The following TLK1 variants were observed in gnomAD, a reference collection of about 807,000 sequenced individuals.
TLK1 encodes tousled like kinase 1.
A neutral mutation model predicts 105.3 loss-of-function variants in TLK1; 24 were observed. The observed-to-expected ratio is 0.23, with a 90% CI of 0.17 to 0.32. The LOEUF is 0.32. TLK1 is among the 10% of genes least tolerant of loss of function. The pLI is 1.00. For synonymous variants in TLK1, 321 were observed against 310.4 expected, an observed-to-expected ratio of 1.03 and a Z score of -0.36; for missense variants, 558 against 910.5, an observed-to-expected ratio of 0.61 and a Z score of 4.98.
At chr2:171,187,321 C>T (rs1312151620) in intron 1 of TLK1, among the ~76,000 whole-genome samples, 2 of 152,152 alleles carry the variant, frequency 1.3e-5, no homozygotes, top group Non-Finnish European at 2.9e-5. Flanking sequence ...GGAATACGTA[C>T]ACCTGATGCT....
upstream of TLK1, among the ~76,000 whole-genome samples, chr2:171,162,598 C>T (rs1472800146): frequency 2.6e-5 from 4 of 152,114 alleles, no homozygotes; most frequent in African/African-American, 9.7e-5. Flanking sequence ...TGTATACCTC[C>T]CTGAAACCAC....
chr2:171,229,596 A>G (rs905122165), intron 1 of TLK1, among the ~76,000 whole-genome samples: 2 of 152,188 alleles, frequency 1.3e-5, no homozygotes, highest in African/African-American at 4.8e-5. Flanking sequence ...CTTCAATTCT[A>G]AGGAAAAATG....
chr2:171,002,464 C>T (rs1441327488), intron 18 of TLK1, among the ~76,000 whole-genome samples: 6 of 151,868 alleles, frequency 4.0e-5, no homozygotes, highest in Non-Finnish European at 4.4e-5. Context: ...TTAGTAGAGA[C>T]GGGGTTTCAC....
intron 1 of TLK1, among the ~76,000 whole-genome samples, chr2:171,225,754 G>A (rs2105333088): frequency 6.6e-6 from 1 of 152,286 alleles, no homozygotes; most frequent in South Asian, 2.1e-4. Context: ...CAATCGTTGA[G>A]TGCATACACA....
rs545437523 is a variant in TLK1 at position 171,192,182 on chromosome 2, C to A, written c.-6+38963G>T. On this transcript the variant is annotated intron_variant, in intron 1 of 20. Transcript: ENST00000521943. The stretch of plus-strand genomic sequence containing the variant: ...TAACTGAGACTACAGGTGCACACCA[C>A]CATGTTGGCTAATTTTTTTGTACTT... Among the ~76,000 whole-genome samples, 70 of 152,230 alleles carry A rather than the reference C, an allele frequency of 4.6e-4. No homozygotes were observed. The South Asian group carries it at 6.6e-3, about 14-fold the overall frequency.
rs1262545256 is a variant in TLK1, at chr2:171,160,039, C to G, written c.139+251G>C. Among the ~76,000 whole-genome samples the G allele has an allele frequency of 6.6e-6, 1 of 152,150 alleles. No individual in the cohort carries two copies. Among genetic ancestry groups the G allele is most frequent in the Non-Finnish European group, 1.5e-5 (1 of 67,992 alleles). On this transcript the variant is annotated intron_variant, in intron 1 of 20. Transcript: ENST00000431350. This position sits in a 1 kb window ranked among gnomAD's most constrained non-coding sequence, Gnocchi z 4.4. ...CCCAGGAACCCCAGGCGAGTCTATG[C>G]GCCTCGCCCCGTCCCCACCAGCGCG... is the stretch of plus-strand genomic sequence containing the variant.
intron 2 of TLK1, among the ~76,000 whole-genome samples, chr2:171,087,403 A>T (rs1430494140): frequency 6.6e-6 from 1 of 152,204 alleles, no homozygotes; most frequent in Non-Finnish European, 1.5e-5. Context: ...ATGGAAAAAG[A>T]GTACTGAAGA....
intron 14 of TLK1, among the ~76,000 whole-genome samples, chr2:171,010,269 T>G (rs751292411): frequency 5.9e-5 from 9 of 152,122 alleles, no homozygotes; most frequent in Non-Finnish European, 1.3e-4. Context: ...ATGGTTTTTG[T>G]GTTTTTTCAC....
At chr2:171,103,918 C>A (rs13385649) in intron 2 of TLK1, among the ~76,000 whole-genome samples, 8,888 of 152,112 alleles carry the variant, frequency 0.058, 799 homozygotes, top group African/African-American at 0.19. Flanking sequence ...AGTAAAGGTG[C>A]AGAATACAAA....
At chr2:171,219,472 G>C (rs1693770084) in intron 1 of TLK1, among the ~76,000 whole-genome samples, 1 of 152,174 alleles carries the variant, frequency 6.6e-6, no homozygotes, top group Non-Finnish European at 1.5e-5. Flanking sequence ...CTGGAGGCTG[G>C]GAGTCCAGCA....
Position 171,055,113 on chromosome 2 carries a change from T to C in TLK1, c.609A>G (p.Gln203=). ...TAATTTTAAAGGATAATTGCTTTGG[T>C]TGTACAATAGGGTGGTCCCCAAATG... ...ALAFGDHPIV[Q]PKQLSFKIIQ... The change falls in exon 7 of 21, where the codon CAA becomes CAG. Residue 203 remains glutamine, a synonymous_variant. Transcript: ENST00000431350. The C allele has an allele frequency of 3.3e-6, 5 of 1,500,048 alleles. No homozygotes were observed. The highest frequency in any genetic ancestry group is 4.4e-6 in the Non-Finnish European group (5 of 1,130,624). The allele number at this position is 1,500,048 out of a possible 1,614,324, so 92.9% of individuals were successfully genotyped here.
chr2:170,998,677 C>T (rs1684202247), intron 18 of TLK1, among the ~76,000 whole-genome samples: 1 of 152,236 alleles, frequency 6.6e-6, no homozygotes, highest in Admixed American at 6.5e-5. Flanking sequence ...TCAAGGAACT[C>T]TTATTCACTG....
intron 1 of TLK1, among the ~76,000 whole-genome samples, chr2:171,149,123 T>TA (rs1345053271): frequency 8.5e-6 from 1 of 117,792 alleles, no homozygotes; most frequent in Non-Finnish European, 1.8e-5. Context: ...TTTTTTTTTT[T>TA]AACATTTCTA....
chr2:171,191,316 C>A (rs1157219208), intron 1 of TLK1, among the ~76,000 whole-genome samples: 3 of 152,088 alleles, frequency 2.0e-5, no homozygotes, highest in Non-Finnish European at 2.9e-5. Context: ...TGCCTTTAAT[C>A]CCAACACTTT....
chr2:171,066,881 C>T lies in TLK1; in HGVS notation c.331-5725G>A, dbSNP rs547454813. The stretch of plus-strand genomic sequence containing the variant: ...TCAAATCATACAAGAATAAAACAGC[C>T]ATTTAGAACAACTGCTGAAGGGTGG... On this transcript the variant is annotated intron_variant, in intron 3 of 20. Transcript: ENST00000431350. 55 of 1,552,172 alleles carry T rather than the reference C, an allele frequency of 3.5e-5. No individual in the cohort carries two copies. The African/African-American group carries it at 7.0e-4, about 20-fold the overall frequency.
intron 1 of TLK1, among the ~76,000 whole-genome samples, chr2:171,132,222 A>T (rs1691131618): frequency 6.6e-6 from 1 of 152,200 alleles, no homozygotes; most frequent in South Asian, 2.1e-4. Flanking sequence ...TGCAAGCAGG[A>T]GAAATGCCAA....
chr2:171,202,749 T>G (rs112577017), intron 1 of TLK1, among the ~76,000 whole-genome samples: 1,956 of 152,268 alleles, frequency 0.013, 40 homozygotes, highest in African/African-American at 0.045. Context: ...AGAGGAAGAC[T>G]CCATCTCAAA....
intron 2 of TLK1, among the ~76,000 whole-genome samples, chr2:171,108,963 A>G (rs1260447025): frequency 6.6e-6 from 1 of 152,248 alleles, no homozygotes; most frequent in Admixed American, 6.5e-5. Flanking sequence ...AACATAAACC[A>G]AAAGAAAGCT....
rs1472197298 is a variant in TLK1 at position 171,006,296 on chromosome 2, A to G, written c.1769-14T>C. 1.0e-5 allele frequency: 16 copies of G among 1,572,330 alleles called. No homozygotes were observed. Among genetic ancestry groups the G allele is most frequent in the South Asian group, 4.8e-5 (4 of 82,990 alleles). ...GTAGGATGTTTCCTAAGAATAAAAT[A>G]TAAGATTCTTTTAATGATACATACA... On this transcript the variant is annotated splice_polypyrimidine_tract_variant and intron_variant, in intron 17 of 20. Coordinates refer to ENST00000431350, the MANE Select transcript of TLK1 (RefSeq NM_012290.5).
Sources: allele counts gnomAD v4.1 joint callset (sites outside exome capture counted in the v4.1 genomes callset), GRCh38; gene constraint gnomAD v4.1.1; non-coding constraint Gnocchi (gnomAD v3.1); transcripts MANE v1.5; gene names NCBI Gene and HGNC (gene_info 2026-07-23, HGNC 2026-07-21).